MACROD2: variants seen among roughly 807,000 people sequenced by gnomAD.
MACROD2 encodes the protein ADP-ribose glycohydrolase MACROD2.
Under a neutral mutation model 70.4 loss-of-function variants are expected in MACROD2, and 36 were observed. The observed-to-expected ratio is 0.51, with a 90% CI of 0.39 to 0.68. The LOEUF (loss-of-function observed/expected upper bound fraction) is 0.68. MACROD2 is among the 30% of genes least tolerant of loss of function. MACROD2 has a pLI of 0.00. For missense variants in MACROD2, 496 were observed against 538.4 expected (o/e 0.92, Z 0.78); for synonymous variants, 172 against 178.8 (o/e 0.96, Z 0.30).
chr20:14,583,020 T>C (rs1981138171), intron 4 of MACROD2, among the ~76,000 whole-genome samples: 1 of 152,004 alleles, frequency 6.6e-6, no homozygotes, highest in Admixed American at 6.6e-5. Context: ...TACTCATGGA[T>C]GATGCAACTC....
chr20:14,162,943 T>G (rs2148718799), intron 3 of MACROD2, among the ~76,000 whole-genome samples: 1 of 152,312 alleles, frequency 6.6e-6, no homozygotes, highest in Non-Finnish European at 1.5e-5. Context: ...ATTTATATTC[T>G]TTGTTTCTTT....
rs181877324 is a variant in MACROD2 at position 15,718,954 on chromosome 20, G to T, written c.646-143791G>T. Reference sequence around the variant, plus strand: ...TTCAAAAGGCACTCTGCACATTAAAGGTTCTAATTATCCTTCTTCAAGCTA... The same window carrying T: ...TTCAAAAGGCACTCTGCACATTAAATGTTCTAATTATCCTTCTTCAAGCTA... On this transcript the variant is annotated intron_variant, in intron 8 of 17. Coordinates refer to ENST00000684519, the MANE Select transcript of MACROD2 (RefSeq NM_001351661.2). Among the ~76,000 whole-genome samples, 3 of 152,120 alleles carry T rather than the reference G, an allele frequency of 2.0e-5. No individual in the cohort carries two copies. The East Asian group carries it at 5.8e-4, about 29-fold the overall frequency.
intron 4 of MACROD2, among the ~76,000 whole-genome samples, chr20:14,537,996 G>A (rs1430909955): frequency 6.6e-6 from 1 of 152,098 alleles, no homozygotes; most frequent in African/African-American, 2.4e-5. Context: ...TGACCTAATA[G>A]CAATTGTAGT....
intron 10 of MACROD2, among the ~76,000 whole-genome samples, chr20:15,899,307 C>T (rs763351320): frequency 2.0e-5 from 3 of 151,424 alleles, no homozygotes; most frequent in Non-Finnish European, 3.0e-5. Flanking sequence ...TATGTGTGTA[C>T]ATATATACAT....
At chr20:14,684,737 G>T (rs2070981591) in intron 4 of MACROD2, 106 bp from the exon 5 acceptor site, 1 of 879,272 alleles carries the variant, frequency 1.1e-6, no homozygotes, top group Middle Eastern at 2.5e-4. Flanking sequence ...ACGGGCTATG[G>T]TTATTTACAG....
chr20:15,808,190 C>T (rs892846222), intron 8 of MACROD2, among the ~76,000 whole-genome samples: 2 of 152,134 alleles, frequency 1.3e-5, no homozygotes, highest in African/African-American at 4.8e-5. Flanking sequence ...TGCTCCCGGC[C>T]GAATAAACCC....
chr20:15,044,133 G>T (rs528074881), intron 5 of MACROD2, among the ~76,000 whole-genome samples: 11 of 152,250 alleles, frequency 7.2e-5, no homozygotes, highest in African/African-American at 2.6e-4. Context: ...GGGGCTGAAA[G>T]GTGCCAACCC....
At chr20:15,304,255 A>AGGTAGCAATGGGACCATGGGACT (rs1176211918) in intron 6 of MACROD2, among the ~76,000 whole-genome samples, 1 of 152,162 alleles carries the variant, frequency 6.6e-6, no homozygotes, top group Non-Finnish European at 1.5e-5. Flanking sequence ...AGATTCTCAG[A>AGGTAGCAATGGGACCATGGGACT]GGTAGCAATG....
intron 5 of MACROD2, among the ~76,000 whole-genome samples, chr20:15,021,227 C>A (rs111212251): frequency 1.0e-4 from 1 of 9,602 alleles, no homozygotes; most frequent in East Asian, 0.012. Flanking sequence ...TACAGGTGTG[C>A]GTATACACAC....
intron 8 of MACROD2, among the ~76,000 whole-genome samples, chr20:15,668,361 G>T (rs6034251): frequency 6.6e-6 from 1 of 151,608 alleles, no homozygotes; most frequent in Non-Finnish European, 1.5e-5. Flanking sequence ...TGAGGTCGGG[G>T]GTTCAAGACC....
intron 4 of MACROD2, among the ~76,000 whole-genome samples, chr20:14,578,337 C>T (rs975648802): frequency 6.6e-6 from 1 of 151,914 alleles, no homozygotes; most frequent in Non-Finnish European, 1.5e-5. Context: ...TTTATTATTA[C>T]AGGCGATATA....
intron 5 of MACROD2, among the ~76,000 whole-genome samples, chr20:15,029,809 G>A (rs1217242951): frequency 6.6e-6 from 1 of 152,206 alleles, no homozygotes; most frequent in African/African-American, 2.4e-5. Flanking sequence ...ATAAGAGGCA[G>A]TGAATAAATG....
At chr20:15,057,876 C>G (rs532330450) in intron 5 of MACROD2, among the ~76,000 whole-genome samples, 1 of 152,130 alleles carries the variant, frequency 6.6e-6, no homozygotes, top group African/African-American at 2.4e-5. Flanking sequence ...CTGCCCCTTA[C>G]GTTTTATTCA....
At chr20:15,636,145 C>A (rs1485672510) in intron 8 of MACROD2, among the ~76,000 whole-genome samples, 4 of 146,758 alleles carry the variant, frequency 2.7e-5, no homozygotes, top group Non-Finnish European at 4.5e-5. Flanking sequence ...AAAAAGAAAT[C>A]CCCTAGGGCT....
rs984988758 is a variant in MACROD2 at position 15,284,220 on chromosome 20, T to G, written c.540+54159T>G. ...TCTCTCATTCTCCAGCCTCCCTCCC[T>G]GTATCATCGCTATGATTGCTGTTTA... On this transcript the variant is annotated intron_variant, in intron 6 of 17. Transcript: ENST00000684519. Among the ~76,000 whole-genome samples the G allele has an allele frequency of 2.6e-5, 4 of 152,320 alleles. No individual in the cohort carries two copies. In the South Asian group the frequency reaches 6.2e-4, roughly 24 times the overall value.
chr20:15,449,555 T>G (rs2046613297), intron 7 of MACROD2, among the ~76,000 whole-genome samples: 1 of 152,166 alleles, frequency 6.6e-6, no homozygotes, highest in Admixed American at 6.6e-5. Flanking sequence ...AAAAAAATAA[T>G]ATTCACTTCA....
At chr20:14,899,695 C>T (rs754482829) in intron 5 of MACROD2, among the ~76,000 whole-genome samples, 1 of 152,142 alleles carries the variant, frequency 6.6e-6, no homozygotes, top group Non-Finnish European at 1.5e-5. Context: ...GTTGGAGTTT[C>T]AACATATCTT....
chr20:15,805,766 G>A (rs1046071366), intron 8 of MACROD2, among the ~76,000 whole-genome samples: 8 of 152,154 alleles, frequency 5.3e-5, no homozygotes, highest in African/African-American at 1.9e-4. Context: ...GTGAGCCACC[G>A]CATCTGGCCA....
chr20:14,919,790 C>T (rs2074138752), intron 5 of MACROD2, among the ~76,000 whole-genome samples: 1 of 152,158 alleles, frequency 6.6e-6, no homozygotes. Context: ...GAGGAAGAAA[C>T]GTCAATGAAT....
Sources: allele counts gnomAD v4.1 joint callset (sites outside exome capture counted in the v4.1 genomes callset), GRCh38; gene constraint gnomAD v4.1.1; transcripts MANE v1.5; gene names NCBI Gene and HGNC (gene_info 2026-07-23, HGNC 2026-07-21).